The following NAALADL2 variants were observed in gnomAD, a reference collection of about 807,000 sequenced individuals.
NAALADL2 encodes N-acetylated alpha-linked acidic dipeptidase like 2.
In NAALADL2, 76 loss-of-function variants were observed where a neutral mutation model predicts 87.2. That is an observed-to-expected ratio of 0.87 (90% CI 0.72 to 1.05). The LOEUF is 1.05. Among genes scored for constraint, NAALADL2 ranks in the 50% least tolerant of loss-of-function variants. The pLI, the probability that NAALADL2 is intolerant of heterozygous loss-of-function variation, is 0.00. For missense variants in NAALADL2, 1,089 were observed against 945.8 expected (o/e 1.15, Z -1.99); for synonymous variants, 354 against 331.0 (o/e 1.07, Z -0.75).
chr3:175,201,527 A>G (rs1368944683), intron 2 of NAALADL2, among the ~76,000 whole-genome samples: 1 of 152,228 alleles, frequency 6.6e-6, no homozygotes, highest in Admixed American at 6.5e-5. Flanking sequence ...GATTATACAT[A>G]TGAAAAACAA....
rs186395263 is a variant in NAALADL2 at position 174,713,036 on chromosome 3, G to A, written c.-114-24605G>A. On this transcript the variant is annotated intron_variant, in intron 2 of 3. Transcript: ENST00000434257. Reference sequence around the variant, plus strand: ...TTCTCATTTTTCAATTCCCACCTATGAGTGAGAACATGCGGTGTTTGGTTT... The same window carrying A: ...TTCTCATTTTTCAATTCCCACCTATAAGTGAGAACATGCGGTGTTTGGTTT... Among the ~76,000 whole-genome samples the A allele has an allele frequency of 5.3e-3, 804 of 151,308 alleles. 6 individuals carry two copies. The highest frequency in any genetic ancestry group is 7.9e-3 in the Non-Finnish European group (536 of 67,930).
intron 2 of NAALADL2, among the ~76,000 whole-genome samples, chr3:174,553,719 C>T (rs947358038): frequency 1.3e-5 from 2 of 152,072 alleles, no homozygotes; most frequent in African/African-American, 4.8e-5. Flanking sequence ...AAAAATTCTT[C>T]CCTTGATTTC....
At chr3:175,115,056 G>T (rs1029690773) in intron 2 of NAALADL2, 30 of 151,638 alleles carry the variant, frequency 2.0e-4, no homozygotes, top group Non-Finnish European at 7.4e-5. Flanking sequence ...CGATAAAGAT[G>T]TTAAAATGTC....
At chr3:174,815,602 A>G (rs993568141) in intron 3 of NAALADL2, among the ~76,000 whole-genome samples, 9 of 151,950 alleles carry the variant, frequency 5.9e-5, no homozygotes, top group African/African-American at 2.2e-4. Context: ...CCCATCCCTA[A>G]ATTTATTTTT....
In NAALADL2 at chr3:174,747,221, C is replaced by T. The variant is rs527516609; in HGVS notation, c.-9+9475C>T. 5.3e-5 allele frequency among the ~76,000 whole-genome samples: 8 copies of T among 152,180 alleles called. No homozygotes were observed. In the East Asian group the frequency reaches 1.5e-3, roughly 29 times the overall value. On this transcript the variant is annotated intron_variant, in intron 3 of 3. Transcript: ENST00000434257. ...ATCCAGAATCTACAAGGAACTTAAACAAATTTACAAGAAAAGGCCAAACAA... is the reference window on the plus strand; with the variant it reads ...ATCCAGAATCTACAAGGAACTTAAATAAATTTACAAGAAAAGGCCAAACAA...
At chr3:174,937,623 A>T (rs1296205410) in intron 1 of NAALADL2, among the ~76,000 whole-genome samples, 1 of 152,052 alleles carries the variant, frequency 6.6e-6, no homozygotes, top group Non-Finnish European at 1.5e-5. Flanking sequence ...GCCTAAAAAA[A>T]ATTGCATTTC....
intron 2 of NAALADL2, among the ~76,000 whole-genome samples, chr3:175,129,331 C>T (rs1422994864): frequency 6.6e-6 from 1 of 152,100 alleles, no homozygotes; most frequent in African/African-American, 2.4e-5. Context: ...AATCTGCTTT[C>T]TTGTAAAATT....
At chr3:175,425,317 C>T (rs1159843025) in intron 5 of NAALADL2, among the ~76,000 whole-genome samples, 1 of 152,126 alleles carries the variant, frequency 6.6e-6, no homozygotes, top group African/African-American at 2.4e-5. Context: ...GCTCAAGATG[C>T]TCTATTTTAA....
intron 1 of NAALADL2, among the ~76,000 whole-genome samples, chr3:174,967,473 G>A (rs1246634847): frequency 6.6e-6 from 1 of 152,032 alleles, no homozygotes; most frequent in Non-Finnish European, 1.5e-5. Context: ...TGTCTCAAGA[G>A]GTACAGTCTG....
At chr3:175,284,841 A>C (rs539078191) in intron 4 of NAALADL2, among the ~76,000 whole-genome samples, 2 of 152,230 alleles carry the variant, frequency 1.3e-5, no homozygotes, top group South Asian at 4.1e-4. Flanking sequence ...ATGATTGAAT[A>C]ATCTAAAAAA....
At chr3:174,881,395 C>T (rs150494330) in intron 1 of NAALADL2, among the ~76,000 whole-genome samples, 1 of 152,044 alleles carries the variant, frequency 6.6e-6, no homozygotes, top group Non-Finnish European at 1.5e-5. Context: ...ACATATTACA[C>T]AATAGCCTCA....
intron 1 of NAALADL2, among the ~76,000 whole-genome samples, chr3:174,485,085 C>T (rs1350644039): frequency 6.6e-6 from 1 of 151,846 alleles, no homozygotes; most frequent in Non-Finnish European, 1.5e-5. Flanking sequence ...TACAATTGGC[C>T]TTCCATAGCC....
At chr3:175,635,977 A>T (rs919126958) in intron 11 of NAALADL2, among the ~76,000 whole-genome samples, 1 of 152,148 alleles carries the variant, frequency 6.6e-6, no homozygotes, top group African/African-American at 2.4e-5. Flanking sequence ...TACCAGAAGA[A>T]TCTGGGAAAG....
At chr3:175,772,267 ATT>A (rs750556611) in intron 13 of NAALADL2, among the ~76,000 whole-genome samples, 1 of 145,788 alleles carries the variant, frequency 6.9e-6, no homozygotes, top group Admixed American at 6.9e-5. Flanking sequence ...AGCTTTATTT[ATT>A]TTTTTTTTTG....
chr3:175,415,354 A>C (rs930436770), intron 5 of NAALADL2, among the ~76,000 whole-genome samples: 1 of 152,168 alleles, frequency 6.6e-6, no homozygotes, highest in Admixed American at 6.5e-5. Context: ...GGGGAAAAAT[A>C]CTATTTGGAT....
chr3:175,147,492 G>A (rs986018081), intron 2 of NAALADL2, among the ~76,000 whole-genome samples: 2 of 152,028 alleles, frequency 1.3e-5, no homozygotes, highest in East Asian at 1.9e-4. Context: ...AGTCTACCAC[G>A]GATGGGCACC....
At chr3:174,991,923 G>A (rs899710946) in intron 1 of NAALADL2, among the ~76,000 whole-genome samples, 2 of 151,976 alleles carry the variant, frequency 1.3e-5, no homozygotes, top group African/African-American at 4.8e-5. Context: ...GTTTTCAGAG[G>A]AGATGTGGAT....
At chr3:175,466,854 CTTAA>C (rs1405517865) in intron 7 of NAALADL2, 121 bp from the exon 8 acceptor site, 2 of 782,008 alleles carry the variant, frequency 2.6e-6, no homozygotes, top group Non-Finnish European at 4.3e-6. Context: ...TTAAAGTAGT[CTTAA>C]TTATTAGAGC....
At chr3:175,511,481 A>G (rs1161177369) in intron 9 of NAALADL2, among the ~76,000 whole-genome samples, 1 of 152,244 alleles carries the variant, frequency 6.6e-6, no homozygotes, top group Non-Finnish European at 1.5e-5. Context: ...CAGTAAGAAG[A>G]GAGCCATCTG....
Sources: gnomAD v4.1 joint callset for allele counts (sites outside exome capture counted in the v4.1 genomes callset) on GRCh38, gnomAD v4.1.1 for gene constraint, MANE v1.5 for transcripts, NCBI Gene and HGNC (gene_info 2026-07-23, HGNC 2026-07-21) for gene names.